Variants in CHSY3 observed in about 807,000 individuals in gnomAD.
CHSY3 encodes N-acetylgalactosaminyl-proteoglycan 3-beta-glucuronosyltransferase 3.
CHSY3 carries 35 observed loss-of-function variants against 67.2 expected under a neutral mutation model. That is an observed-to-expected ratio of 0.52 (90% CI 0.40 to 0.69). The LOEUF (loss-of-function observed/expected upper bound fraction) is 0.69, where lower values mean the gene tolerates loss of function less well. CHSY3 is among the 30% of genes least tolerant of loss of function. The probability of loss-of-function intolerance (pLI) is 0.00; values close to 1 mark genes in which losing one functional copy is unlikely to be tolerated. For missense variants in CHSY3, 1,069 were observed against 1,138.5 expected (o/e 0.94, Z 0.88); for synonymous variants, 474 against 434.7 (o/e 1.09, Z -1.12).
intron 2 of CHSY3, among the ~76,000 whole-genome samples, chr5:130,128,683 TA>T (rs1257961439): frequency 6.6e-6 from 1 of 152,006 alleles, no homozygotes; most frequent in Non-Finnish European, 1.5e-5. Flanking sequence ...AAAATGATAA[TA>T]AAAGGAATGG....
intron 2 of CHSY3, among the ~76,000 whole-genome samples, chr5:130,051,727 CG>C (rs141434162): frequency 9.5e-4 from 145 of 151,926 alleles, no homozygotes; most frequent in Non-Finnish European, 1.8e-3. Flanking sequence ...GACAGAGACC[CG>C]GGCAGATGAA....
chr5:130,132,029 C>T (rs149818004), intron 2 of CHSY3, among the ~76,000 whole-genome samples: 1 of 152,166 alleles, frequency 6.6e-6, no homozygotes, highest in Non-Finnish European at 1.5e-5. Context: ...TTAAAGCAAG[C>T]CCTATGTGAC....
intron 2 of CHSY3, among the ~76,000 whole-genome samples, chr5:130,020,455 ATATATATTTTTTT>A (rs1293902694): frequency 0.11 from 367 of 3,296 alleles, 7 homozygotes; most frequent in Non-Finnish European, 0.16. Flanking sequence ...ATATATATAT[ATATATATTTTTTT>A]TTTTTTTTTT....
chr5:130,123,565 C>T (rs1768128271), intron 2 of CHSY3, among the ~76,000 whole-genome samples: 1 of 152,192 alleles, frequency 6.6e-6, no homozygotes, highest in African/African-American at 2.4e-5. Context: ...TGCTCAACTC[C>T]TGCTGTGCGG....
intron 2 of CHSY3, among the ~76,000 whole-genome samples, chr5:130,042,598 T>C (rs556716284): frequency 6.6e-6 from 1 of 152,286 alleles, no homozygotes; most frequent in Non-Finnish European, 1.5e-5. Context: ...TCTCAGTTTG[T>C]TAAAGGTACT....
At chr5:130,092,954 T>C (rs1766927619) in intron 2 of CHSY3, among the ~76,000 whole-genome samples, 1 of 152,196 alleles carries the variant, frequency 6.6e-6, no homozygotes, top group Non-Finnish European at 1.5e-5. Flanking sequence ...TCAAATCCAA[T>C]GATCTGGTGA....
At chr5:130,030,387 A>G (rs983368196) in intron 2 of CHSY3, among the ~76,000 whole-genome samples, 1 of 152,122 alleles carries the variant, frequency 6.6e-6, no homozygotes, top group Non-Finnish European at 1.5e-5. Flanking sequence ...AATTTAAAAA[A>G]CTGTATATGC....
intron 2 of CHSY3, among the ~76,000 whole-genome samples, chr5:130,126,361 T>A (rs188062109): frequency 6.6e-6 from 1 of 152,292 alleles, no homozygotes; most frequent in East Asian, 1.9e-4. Flanking sequence ...CAAATCTTTG[T>A]GCAATATGAT....
intron 2 of CHSY3, among the ~76,000 whole-genome samples, chr5:130,044,974 A>G (rs1169037757): frequency 2.0e-5 from 3 of 152,086 alleles, no homozygotes; most frequent in Admixed American, 2.0e-4. Flanking sequence ...TGGCATAAGT[A>G]GTTTTTTGTT....
intron 2 of CHSY3, among the ~76,000 whole-genome samples, chr5:129,971,678 G>T (rs1762644333): frequency 6.6e-6 from 1 of 151,900 alleles, no homozygotes; most frequent in Non-Finnish European, 1.5e-5. Context: ...AACCCCTAAT[G>T]TGTTATATGG....
intron 2 of CHSY3, among the ~76,000 whole-genome samples, chr5:130,182,957 T>A (rs1279676931): frequency 6.6e-6 from 1 of 152,026 alleles, no homozygotes; most frequent in African/African-American, 2.4e-5. Flanking sequence ...GAGTTTTTTT[T>A]TTGAAGAGGC....
chr5:130,094,506 G>T (rs1253551592), intron 2 of CHSY3, among the ~76,000 whole-genome samples: 2 of 152,092 alleles, frequency 1.3e-5, no homozygotes, highest in Non-Finnish European at 2.9e-5. Context: ...TGAAGTAAAA[G>T]CTTGTTTTTG....
intron 2 of CHSY3, among the ~76,000 whole-genome samples, chr5:129,922,779 A>G (rs1351878306): frequency 2.6e-5 from 4 of 152,106 alleles, no homozygotes; most frequent in East Asian, 1.9e-4. Flanking sequence ...CTCCCATTGT[A>G]TAGGTTGTTT....
chr5:130,039,240 G>C, intron 2 of CHSY3, among the ~76,000 whole-genome samples: 1 of 152,014 alleles, frequency 6.6e-6, no homozygotes, highest in Admixed American at 6.6e-5. Flanking sequence ...ACATCCCAGA[G>C]CTTTGGGAGA....
chr5:130,134,061 A>C (rs1267867319), intron 2 of CHSY3, among the ~76,000 whole-genome samples: 1 of 152,140 alleles, frequency 6.6e-6, no homozygotes, highest in Non-Finnish European at 1.5e-5. Flanking sequence ...TTTTTAAGCA[A>C]CCTGGTGAGA....
chr5:130,055,047 T>G (rs140704849), intron 2 of CHSY3, among the ~76,000 whole-genome samples: 1 of 152,284 alleles, frequency 6.6e-6, no homozygotes, highest in African/African-American at 2.4e-5. Flanking sequence ...TCCAATCTTG[T>G]ATCACTACTC....
In CHSY3 at chr5:129,907,941, A is replaced by G. The variant is rs544348363; in HGVS notation, c.803-136A>G. On this transcript the variant is annotated intron_variant, in intron 1 of 2. Transcript: ENST00000305031. ...CTTTTAAAAATAATAGAGTATTGGA[A>G]GAGGCTTTTTCTTCTTTTCAGTTGT... 14 of 1,418,996 alleles carry G rather than the reference A, an allele frequency of 9.9e-6. No individual in the cohort carries two copies. In the South Asian group the frequency reaches 2.1e-4, roughly 22 times the overall value. The allele number at this position is 1,418,996 out of a possible 1,614,324, so 87.9% of individuals were successfully genotyped here.
chr5:129,970,862 TG>T (rs766138481), intron 2 of CHSY3, among the ~76,000 whole-genome samples: 3 of 151,902 alleles, frequency 2.0e-5, no homozygotes, highest in Non-Finnish European at 4.4e-5. Flanking sequence ...GTGATAACAT[TG>T]GGGAAACATG....
chr5:129,908,379 T>G lies in CHSY3; in HGVS notation c.1086+19T>G, dbSNP rs746041794. The G allele has an allele frequency of 1.0e-4, 169 of 1,611,960 alleles. No individual in the cohort carries two copies. Among genetic ancestry groups the G allele is most frequent in the Non-Finnish European group, 1.3e-4 (158 of 1,178,510 alleles). On this transcript the variant is annotated intron_variant, in intron 2 of 2. Coordinates refer to ENST00000305031, the MANE Select transcript of CHSY3 (RefSeq NM_175856.5). ...TTACGAGGTAAGCATGGAGCTGTGA[T>G]GAAAATGTTCACATAGTACATATAC... is the stretch of plus-strand genomic sequence containing the variant.
Sources: gnomAD v4.1 joint callset for allele counts (sites outside exome capture counted in the v4.1 genomes callset) on GRCh38, gnomAD v4.1.1 for gene constraint, MANE v1.5 for transcripts, NCBI Gene and HGNC (gene_info 2026-07-23, HGNC 2026-07-21) for gene names.